EPHA7: variants seen among roughly 807,000 people sequenced by gnomAD.
The protein encoded by EPHA7 is ephrin type-A receptor 7.
EPHA7 carries 25 observed loss-of-function variants against 112.6 expected under a neutral mutation model. The observed-to-expected ratio is 0.22, with a 90% CI of 0.16 to 0.31. EPHA7 has a LOEUF of 0.31. Among genes scored for constraint, EPHA7 ranks in the 10% least tolerant of loss-of-function variants. The pLI is 1.00. For synonymous variants in EPHA7, 437 were observed against 406.5 expected (o/e 1.07, Z -0.90); for missense variants, 962 against 1,212.6 (o/e 0.79, Z 3.07).
At chr6:93,292,469 C>A (rs1383907284) in intron 5 of EPHA7, among the ~76,000 whole-genome samples, 2 of 151,912 alleles carry the variant, frequency 1.3e-5, no homozygotes, top group Non-Finnish European at 2.9e-5. Context: ...GGCAGAAATG[C>A]AGCATTCTTA....
intron 3 of EPHA7, among the ~76,000 whole-genome samples, chr6:93,372,445 ATC>A (rs1472507012): frequency 6.6e-6 from 1 of 152,122 alleles, no homozygotes; most frequent in African/African-American, 2.4e-5. Context: ...TAGAAAGTGA[ATC>A]TTCTCATGCT....
intron 3 of EPHA7, among the ~76,000 whole-genome samples, chr6:93,385,302 AATAG>A (rs1293902138): frequency 6.6e-6 from 1 of 152,146 alleles, no homozygotes; most frequent in Non-Finnish European, 1.5e-5. Context: ...ATGAATATAT[AATAG>A]ATATTTACAT....
intron 14 of EPHA7, among the ~76,000 whole-genome samples, chr6:93,251,850 G>T (rs974711441): frequency 1.3e-5 from 2 of 151,940 alleles, no homozygotes; most frequent in African/African-American, 4.8e-5. Context: ...TTTTTTAGAA[G>T]AACGAAAGTT....
At chr6:93,298,966 T>C (rs1399534947) in intron 5 of EPHA7, among the ~76,000 whole-genome samples, 1 of 152,086 alleles carries the variant, frequency 6.6e-6, no homozygotes, top group East Asian at 1.9e-4. Flanking sequence ...GAAAAAAACA[T>C]TAAAAAGTGG....
chr6:93,390,741 T>C (rs938254839), intron 3 of EPHA7, among the ~76,000 whole-genome samples: 1 of 151,866 alleles, frequency 6.6e-6, no homozygotes, highest in Non-Finnish European at 1.5e-5. Context: ...AAATTTAATT[T>C]CTCAAATGGA....
chr6:93,348,577 C>T (rs1052037777), intron 5 of EPHA7, among the ~76,000 whole-genome samples: 2 of 151,638 alleles, frequency 1.3e-5, no homozygotes, highest in Non-Finnish European at 2.9e-5. Flanking sequence ...TTTAAAATTC[C>T]TGTGTAAATA....
chr6:93,259,164 G>A (rs1318609647), intron 10 of EPHA7, among the ~76,000 whole-genome samples, 190 bp downstream of exon 10: 1 of 151,952 alleles, frequency 6.6e-6, no homozygotes, highest in East Asian at 1.9e-4. Context: ...TGGATTCTTT[G>A]TGCCACATGC....
chr6:93,327,273 A>G (rs1774368178), intron 5 of EPHA7, among the ~76,000 whole-genome samples: 1 of 151,460 alleles, frequency 6.6e-6, no homozygotes, highest in Admixed American at 6.6e-5. Context: ...CTGAGCATCA[A>G]ATTGAATTTT....
intron 3 of EPHA7, among the ~76,000 whole-genome samples, chr6:93,371,332 A>G (rs571388893): frequency 6.6e-6 from 1 of 152,306 alleles, no homozygotes; most frequent in East Asian, 1.9e-4. Context: ...TAACAACTAC[A>G]TGCCTAGAAT....
chr6:93,244,206 T>C (rs1327383358), intron 16 of EPHA7, among the ~76,000 whole-genome samples: 2 of 152,130 alleles, frequency 1.3e-5, no homozygotes, highest in African/African-American at 4.8e-5. Flanking sequence ...GCAGCTAAAA[T>C]ATTGCAAAAC....
intron 3 of EPHA7, among the ~76,000 whole-genome samples, chr6:93,370,406 T>C (rs892674355): frequency 6.6e-6 from 1 of 152,212 alleles, no homozygotes; most frequent in Admixed American, 6.5e-5. Context: ...CACAATACTT[T>C]CATTTCTGTT....
intron 3 of EPHA7, among the ~76,000 whole-genome samples, chr6:93,392,170 A>T (rs558953617): frequency 6.6e-6 from 1 of 152,130 alleles, no homozygotes; most frequent in South Asian, 2.1e-4. Context: ...AGTGAAGAGT[A>T]AACTCCAATG....
intron 3 of EPHA7, among the ~76,000 whole-genome samples, chr6:93,387,857 C>T (rs1040753779): frequency 6.6e-6 from 1 of 151,670 alleles, no homozygotes; most frequent in Admixed American, 6.6e-5. Context: ...CCCCCAATAC[C>T]GGTGGATTAC....
intron 3 of EPHA7, among the ~76,000 whole-genome samples, chr6:93,369,165 A>G (rs1479937794): frequency 7.7e-6 from 1 of 130,388 alleles, no homozygotes; most frequent in Non-Finnish European, 1.6e-5. Flanking sequence ...AAAGAAAAGA[A>G]AAGAAAAATA....
intron 3 of EPHA7, among the ~76,000 whole-genome samples, chr6:93,405,309 G>A (rs1778641511): frequency 6.6e-6 from 1 of 151,630 alleles, no homozygotes; most frequent in Admixed American, 6.6e-5. Context: ...CCTTAACTTT[G>A]GACATTTAGG....
At chr6:93,417,190 C>G (rs1254451560) in intron 1 of EPHA7, among the ~76,000 whole-genome samples, 2 of 152,164 alleles carry the variant, frequency 1.3e-5, no homozygotes, top group Non-Finnish European at 2.9e-5. Flanking sequence ...AGAACGTGCA[C>G]AAGGAAAGTG....
At chr6:93,349,185 TC>T (rs1775563860) in intron 5 of EPHA7, among the ~76,000 whole-genome samples, 1 of 151,848 alleles carries the variant, frequency 6.6e-6, no homozygotes, top group African/African-American at 2.4e-5. Context: ...TAAAATATCA[TC>T]CTTTTTGTAT....
chr6:93,315,853 T>C (rs1358256681), intron 5 of EPHA7, among the ~76,000 whole-genome samples: 2 of 152,184 alleles, frequency 1.3e-5, no homozygotes, highest in African/African-American at 4.8e-5. Flanking sequence ...CAGTGTTTGA[T>C]CCTCTCTTTA....
Position 93,311,114 on chromosome 6 carries a change from ATTTTTTTT to A in EPHA7, c.1325-38700_1325-38693del, listed in dbSNP as rs71542009. ...ACAGGCATGTGCATCATGCCCAGCT[ATTTTTTTT>A]TTTTTTTTTTTTTTTTTTTACAGAG... is the stretch of plus-strand genomic sequence containing the variant. On this transcript the variant is annotated intron_variant, in intron 5 of 16. Coordinates refer to ENST00000369303, the MANE Select transcript of EPHA7 (RefSeq NM_004440.4). Among the ~76,000 whole-genome samples the A allele has an allele frequency of 1.4e-3, 110 of 78,510 alleles. 1 individual carries two copies. Among genetic ancestry groups the A allele is most frequent in the Middle Eastern group, 8.8e-3 (1 of 114 alleles). The allele number at this position is 78,510 out of a possible 152,430, so 51.5% of individuals were successfully genotyped here.
Sources: gnomAD v4.1 joint callset for allele counts (sites outside exome capture counted in the v4.1 genomes callset) on GRCh38, gnomAD v4.1.1 for gene constraint, MANE v1.5 for transcripts, NCBI Gene and HGNC (gene_info 2026-07-23, HGNC 2026-07-21) for gene names.